LCLAT1: variants seen among roughly 807,000 people sequenced by gnomAD.
LCLAT1 encodes lysocardiolipin acyltransferase 1.
LCLAT1 carries 11 observed loss-of-function variants against 30.7 expected under a neutral mutation model. That is an observed-to-expected ratio of 0.36 (90% confidence interval 0.23 to 0.59). The LOEUF (loss-of-function observed/expected upper bound fraction) is 0.59. Ranked by LOEUF, LCLAT1 falls within the 20% of genes least tolerant of loss-of-function variation. The probability of loss-of-function intolerance (pLI) is 0.77; values close to 1 mark genes in which losing one functional copy is unlikely to be tolerated. For synonymous variants in LCLAT1, 155 were observed against 151.3 expected, an observed-to-expected ratio of 1.02 and a Z score of -0.18; for missense variants, 402 against 458.6, an observed-to-expected ratio of 0.88 and a Z score of 1.13.
intron 5 of LCLAT1, among the ~76,000 whole-genome samples, chr2:30,609,930 T>A (rs1307179808): frequency 6.6e-6 from 1 of 152,148 alleles, no homozygotes; most frequent in Admixed American, 6.6e-5. Flanking sequence ...ATCATAAGCA[T>A]GATTTAGTGA....
chr2:30,541,123 G>A (rs1338162901), intron 3 of LCLAT1, among the ~76,000 whole-genome samples: 1 of 152,056 alleles, frequency 6.6e-6, no homozygotes, highest in Admixed American at 6.5e-5. Context: ...CTGTGTTTAG[G>A]TTATTTTTTT....
chr2:30,556,048 C>G (rs959419071), intron 3 of LCLAT1, among the ~76,000 whole-genome samples: 2 of 151,972 alleles, frequency 1.3e-5, no homozygotes, highest in African/African-American at 4.8e-5. Context: ...CCCACCTCGG[C>G]CTTCCAAAGT....
rs114100856 is a variant in LCLAT1 at position 30,625,033 on chromosome 2, A to G, written c.629-15084A>G. On this transcript the variant is annotated intron_variant, in intron 5 of 5. Transcript: ENST00000379509. ...ATGATTATCAGGTCAACAATTAGAA[A>G]ATTATTTGAACTGAATGATAATAGT... 6.9e-3 allele frequency among the ~76,000 whole-genome samples: 1,057 copies of G among 152,220 alleles called. 11 individuals are homozygous for G. The highest frequency in any genetic ancestry group is 0.024 in the African/African-American group (1,003 of 41,556).
At chr2:30,482,954 T>C (rs829686) in intron 1 of LCLAT1, among the ~76,000 whole-genome samples, 33,847 of 152,044 alleles carry the variant, frequency 0.22, 3,861 homozygotes, top group East Asian at 0.35. Context: ...GAAACTGTCA[T>C]GGCCAAGAGG....
At chr2:30,519,146 C>T (rs931637576) in intron 1 of LCLAT1, among the ~76,000 whole-genome samples, 15 of 152,208 alleles carry the variant, frequency 9.9e-5, no homozygotes, top group Admixed American at 2.6e-4. Flanking sequence ...GGCTTATGCT[C>T]ATCCCAAAAC....
chr2:30,579,180 G>T (rs759488893), intron 5 of LCLAT1, among the ~76,000 whole-genome samples: 5 of 152,114 alleles, frequency 3.3e-5, no homozygotes, highest in Non-Finnish European at 1.5e-5. Context: ...ACATTGGTAA[G>T]AACTGAAATT....
intron 5 of LCLAT1, among the ~76,000 whole-genome samples, chr2:30,569,630 A>G (rs1185483746): frequency 6.6e-6 from 1 of 152,160 alleles, no homozygotes; most frequent in African/African-American, 2.4e-5. Flanking sequence ...CCTAAATGGC[A>G]TCACTGTTGT....
intron 5 of LCLAT1, among the ~76,000 whole-genome samples, chr2:30,637,600 G>A (rs1373072163): frequency 4.6e-5 from 7 of 151,940 alleles, no homozygotes; most frequent in Admixed American, 3.9e-4. Context: ...TTATTGAGAC[G>A]GAGTTTCACT....
intron 4 of LCLAT1, 81 bp downstream of exon 4, chr2:30,562,373 A>G: frequency 4.3e-6 from 5 of 1,150,574 alleles, no homozygotes; most frequent in South Asian, 1.8e-5. Flanking sequence ...CTGAACACCA[A>G]CAAGAATAAT....
At chr2:30,638,588 G>C (rs4952004) in intron 5 of LCLAT1, among the ~76,000 whole-genome samples, 21,395 of 152,230 alleles carry the variant, frequency 0.14, 1,567 homozygotes, top group South Asian at 0.23. Flanking sequence ...AGACTCCGCA[G>C]CAACAAGCCG....
intron 1 of LCLAT1, among the ~76,000 whole-genome samples, chr2:30,471,974 C>A (rs189622480): frequency 5.1e-4 from 77 of 152,242 alleles, no homozygotes; most frequent in Non-Finnish European, 9.0e-4. Context: ...TCACTTTATC[C>A]CTGAGCATGA....
intron 5 of LCLAT1, among the ~76,000 whole-genome samples, chr2:30,582,449 A>G (rs2148467565): frequency 6.6e-6 from 1 of 152,314 alleles, no homozygotes; most frequent in East Asian, 1.9e-4. Flanking sequence ...GTAGGTGATT[A>G]TCCTAACTTG....
At chr2:30,604,273 A>G (rs75061410) in intron 5 of LCLAT1, among the ~76,000 whole-genome samples, 2,016 of 152,252 alleles carry the variant, frequency 0.013, 47 homozygotes, top group African/African-American at 0.044. Flanking sequence ...AATCTCTTCT[A>G]TGTTCTTTAG....
intron 5 of LCLAT1, among the ~76,000 whole-genome samples, chr2:30,592,442 C>T (rs955711355): frequency 1.3e-5 from 2 of 152,080 alleles, no homozygotes; most frequent in Non-Finnish European, 1.5e-5. Context: ...TGCAATTGCA[C>T]CACCATACTC....
At chr2:30,459,147 A>G (rs551560334) in intron 1 of LCLAT1, among the ~76,000 whole-genome samples, 2 of 152,276 alleles carry the variant, frequency 1.3e-5, no homozygotes, top group African/African-American at 4.8e-5. Context: ...TGAAACTTGA[A>G]TACCCTATGT....
At chr2:30,564,093 A>C (rs1665365690) in intron 4 of LCLAT1, among the ~76,000 whole-genome samples, 1 of 152,176 alleles carries the variant, frequency 6.6e-6, no homozygotes, top group South Asian at 2.1e-4. Context: ...TATTATTGTA[A>C]GTTGTAAGTT....
At chr2:30,461,226 T>C (rs1461754108) in intron 1 of LCLAT1, among the ~76,000 whole-genome samples, 2 of 152,138 alleles carry the variant, frequency 1.3e-5, no homozygotes, top group Non-Finnish European at 2.9e-5. Context: ...GAACTCCAGG[T>C]AGTGTCAGAA....
intron 1 of LCLAT1, among the ~76,000 whole-genome samples, chr2:30,502,040 AT>A (rs1477639405): frequency 6.6e-6 from 1 of 152,170 alleles, no homozygotes; most frequent in Non-Finnish European, 1.5e-5. Flanking sequence ...TTTTGTTAAT[AT>A]GTAAAAATTA....
Position 30,591,822 on chromosome 2 carries a change from A to G in LCLAT1, c.628+23646A>G, listed in dbSNP as rs991783707. The stretch of plus-strand genomic sequence containing the variant: ...CAAATACTATCTAGTCCAGAGCTGA[A>G]TACCTATACACCTTGAAAATTGGCT... On this transcript the variant is annotated intron_variant, in intron 5 of 5. Coordinates refer to ENST00000379509, the MANE Select transcript of LCLAT1 (RefSeq NM_001002257.3). Among the ~76,000 whole-genome samples, 59 of 152,224 alleles carry G rather than the reference A, an allele frequency of 3.9e-4. 1 individual carries two copies. The highest frequency in any genetic ancestry group is 1.3e-3 in the African/African-American group (54 of 41,470).
Sources: gnomAD v4.1 joint callset for allele counts (sites outside exome capture counted in the v4.1 genomes callset) on GRCh38, gnomAD v4.1.1 for gene constraint, MANE v1.5 for transcripts, NCBI Gene and HGNC (gene_info 2026-07-23, HGNC 2026-07-21) for gene names.